The following MALRD1 variants were observed in gnomAD, a reference collection of about 807,000 sequenced individuals.
MALRD1 encodes MAM and LDL receptor class A domain containing 1.
MALRD1 carries 247 observed loss-of-function variants against 242.1 expected under a neutral mutation model. The observed-to-expected ratio is 1.02, with a 90% CI of 0.92 to 1.13. The LOEUF is 1.13. Among genes scored for constraint, MALRD1 ranks in the 50% most tolerant of loss-of-function variants. The pLI, the probability that MALRD1 is intolerant of heterozygous loss-of-function variation, is 0.00. For synonymous variants in MALRD1, 995 were observed against 866.6 expected (o/e 1.15, Z -2.60); for missense variants, 2,989 against 2,533.1 (o/e 1.18, Z -3.86).
At chr10:19,372,376 T>C (rs1026125916) in intron 26 of MALRD1, among the ~76,000 whole-genome samples, 2 of 151,896 alleles carry the variant, frequency 1.3e-5, no homozygotes, top group Non-Finnish European at 2.9e-5. Flanking sequence ...ATGCAGAAAA[T>C]ATCAGAAAAA....
chr10:19,524,875 C>T (rs114735040), intron 31 of MALRD1, among the ~76,000 whole-genome samples: 2,138 of 150,290 alleles, frequency 0.014, 38 homozygotes, highest in African/African-American at 0.05. Flanking sequence ...CATACCTTTC[C>T]TTTATTTTAT....
At chr10:19,358,670 C>T (rs752890710) in intron 26 of MALRD1, among the ~76,000 whole-genome samples, 1 of 152,054 alleles carries the variant, frequency 6.6e-6, no homozygotes, top group Non-Finnish European at 1.5e-5. Flanking sequence ...TACTTCTGAG[C>T]GATTTGAAAA....
intron 29 of MALRD1, among the ~76,000 whole-genome samples, chr10:19,457,874 T>G (rs971742380): frequency 2.0e-5 from 3 of 151,928 alleles, no homozygotes; most frequent in Non-Finnish European, 2.9e-5. Flanking sequence ...GTTTTAAAAT[T>G]TTTTAATATT....
chr10:19,611,388 C>T (rs536686702), intron 35 of MALRD1, among the ~76,000 whole-genome samples: 21 of 152,048 alleles, frequency 1.4e-4, no homozygotes, highest in African/African-American at 2.6e-4. Context: ...TTTCTATTTA[C>T]GTTTAAAAGT....
intron 29 of MALRD1, chr10:19,488,494 A>G (rs1281492401): frequency 2.6e-5 from 4 of 153,220 alleles, no homozygotes; most frequent in African/African-American, 9.6e-5. Context: ...GAGAAAGGCA[A>G]GACAAAAGTA....
intron 28 of MALRD1, among the ~76,000 whole-genome samples, chr10:19,400,219 T>C (rs4433484): frequency 0.85 from 129,267 of 152,220 alleles, 55,159 homozygotes; most frequent in Non-Finnish European, 0.88. Context: ...AGCTTCTCAT[T>C]AGAAAGTGAA....
At chr10:19,266,198 A>G (rs1021609913) in intron 19 of MALRD1, among the ~76,000 whole-genome samples, 2 of 151,646 alleles carry the variant, frequency 1.3e-5, no homozygotes, top group Non-Finnish European at 2.9e-5. Context: ...TGTAGAATGT[A>G]ATTCACTTAC....
At chr10:19,648,746 T>G (rs1840749890) in intron 36 of MALRD1, among the ~76,000 whole-genome samples, 1 of 152,190 alleles carries the variant, frequency 6.6e-6, no homozygotes, top group African/African-American at 2.4e-5. Flanking sequence ...CTAAAACAAT[T>G]TTTTAAACTT....
At chr10:19,419,161 C>T (rs1362898213) in intron 28 of MALRD1, among the ~76,000 whole-genome samples, 3 of 152,168 alleles carry the variant, frequency 2.0e-5, no homozygotes, top group African/African-American at 7.2e-5. Flanking sequence ...CTTTTAATAC[C>T]TTCATTTCCC....
intron 5 of MALRD1, among the ~76,000 whole-genome samples, chr10:19,112,311 G>T (rs1211924565): frequency 6.6e-6 from 1 of 152,048 alleles, no homozygotes; most frequent in African/African-American, 2.4e-5. Context: ...TCCTGGTGGT[G>T]GTGGTTGGGG....
At chr10:19,573,458 G>T (rs1836659504) in intron 33 of MALRD1, among the ~76,000 whole-genome samples, 1 of 152,146 alleles carries the variant, frequency 6.6e-6, no homozygotes, top group African/African-American at 2.4e-5. Context: ...GTGGAGCAGA[G>T]ACATGAGGAA....
At chr10:19,241,590 A>G (rs1838776067) in intron 18 of MALRD1, among the ~76,000 whole-genome samples, 1 of 151,850 alleles carries the variant, frequency 6.6e-6, no homozygotes, top group African/African-American at 2.4e-5. Context: ...TCCTTCTACC[A>G]ATTTTGGGAT....
chr10:19,605,196 C>T (rs937391818), intron 34 of MALRD1, among the ~76,000 whole-genome samples: 1 of 150,840 alleles, frequency 6.6e-6, no homozygotes, highest in African/African-American at 2.4e-5. Context: ...TGCTCCATTC[C>T]CTGGCTGGAG....
At chr10:19,335,192 GTT>G (rs397828429) in intron 24 of MALRD1, among the ~76,000 whole-genome samples, 2 of 137,368 alleles carry the variant, frequency 1.5e-5, no homozygotes, top group African/African-American at 2.7e-5. Flanking sequence ...GTTTTTTTTT[GTT>G]TTTTTTTTTT....
intron 33 of MALRD1, among the ~76,000 whole-genome samples, chr10:19,584,988 C>T (rs1837314138): frequency 6.6e-6 from 1 of 151,994 alleles, no homozygotes; most frequent in Admixed American, 6.6e-5. Context: ...AATGGCCTTC[C>T]TTGTCTCTTT....
At chr10:19,621,742 A>C (rs894599045) in intron 36 of MALRD1, among the ~76,000 whole-genome samples, 1 of 151,854 alleles carries the variant, frequency 6.6e-6, no homozygotes, top group Non-Finnish European at 1.5e-5. Context: ...AAGTACCTGA[A>C]ATTTTTAACA....
intron 29 of MALRD1, among the ~76,000 whole-genome samples, chr10:19,459,733 A>T (rs1012448537): frequency 1.3e-5 from 2 of 151,816 alleles, no homozygotes; most frequent in Admixed American, 6.6e-5. Context: ...GAGAATTAGC[A>T]TCTGAATGTT....
chr10:19,596,573 G>A (rs1004283339), intron 34 of MALRD1, among the ~76,000 whole-genome samples: 2 of 151,430 alleles, frequency 1.3e-5, no homozygotes, highest in South Asian at 2.1e-4. Context: ...TACAAAAATA[G>A]CAATAGTAAT....
chr10:19,146,384 C>A, intron 11 of MALRD1, 40 bp downstream of exon 11: 1 of 1,212,996 alleles, frequency 8.2e-7, no homozygotes, highest in South Asian at 4.2e-5. Flanking sequence ...AGTTTTCTTT[C>A]TTGCATGTTG....
Sources: allele counts gnomAD v4.1 joint callset (sites outside exome capture counted in the v4.1 genomes callset), GRCh38; gene constraint gnomAD v4.1.1; transcripts MANE v1.5; gene names NCBI Gene and HGNC (gene_info 2026-07-23, HGNC 2026-07-21).